The following RTP2 variants were observed in gnomAD, a reference collection of about 807,000 sequenced individuals.
The protein encoded by RTP2 is receptor-transporting protein 2.
A neutral mutation model predicts 17.9 loss-of-function variants in RTP2; 12 were observed. That is an observed-to-expected ratio of 0.67 (90% CI 0.43 to 1.09). The LOEUF is 1.09. Ranked by LOEUF, RTP2 falls within the 50% of genes least tolerant of loss-of-function variation. The pLI is 0.00. For synonymous variants in RTP2, 126 were observed against 117.7 expected, an observed-to-expected ratio of 1.07 and a Z score of -0.46; for missense variants, 327 against 295.7, an observed-to-expected ratio of 1.11 and a Z score of -0.78.
At chr3:187,702,275 T>G in exon 1 of RTP2, 1 of 756,918 alleles carries the variant, frequency 1.3e-6, no homozygotes, top group Non-Finnish European at 2.2e-6. Context: ...CCTCCTCTGT[T>G]ACCCTGGAAC....
chr3:187,711,065 A>G, the RTP2 span, among the ~76,000 whole-genome samples: 1 of 152,068 alleles, frequency 6.6e-6, no homozygotes, highest in African/African-American at 2.4e-5. Flanking sequence ...ATGCATAGCC[A>G]CCCCTTCTGC....
At position 187,699,087 on chromosome 3, in the gene RTP2, A is replaced by C. The variant is rs1192785658; in HGVS notation, c.165-76T>G. The stretch of plus-strand genomic sequence containing the variant: ...TGCCCTGAGAAGCTCTGAGAGGGAA[A>C]AAAAAGCCTGTGTGCCCGTGCTTGG... On this transcript the variant is annotated intron_variant, in intron 1 of 1. Coordinates refer to ENST00000358241, the Ensembl canonical transcript of RTP2. 3.4e-6 allele frequency: 5 copies of C among 1,468,472 alleles called. No homozygotes were observed. The Admixed American group carries it at 7.6e-5, about 22-fold the overall frequency. The allele number at this position is 1,468,472 out of a possible 1,614,324, so 91.0% of individuals were successfully genotyped here.
chr3:187,710,898 A>G, the RTP2 span, among the ~76,000 whole-genome samples: 29,940 of 152,050 alleles, frequency 0.2, 4,276 homozygotes, highest in African/African-American at 0.4. Context: ...CAAACTTGTA[A>G]TAACCCTAGG....
chr3:187,706,546 G>A (rs6780544), upstream of RTP2, among the ~76,000 whole-genome samples: 75,134 of 152,130 alleles, frequency 0.49, 22,328 homozygotes, highest in East Asian at 0.75. Context: ...TGGATATAGA[G>A]TGGGAGCACA....
At chr3:187,714,522 C>T in the RTP2 span, among the ~76,000 whole-genome samples, 3 of 152,244 alleles carry the variant, frequency 2.0e-5, no homozygotes, top group East Asian at 5.8e-4. Context: ...CCATTTATAC[C>T]TTCCTGCTTC....
At chr3:187,707,927 G>A in the RTP2 span, among the ~76,000 whole-genome samples, 17 of 152,104 alleles carry the variant, frequency 1.1e-4, no homozygotes, top group African/African-American at 4.1e-4. Flanking sequence ...GTGTTCTCTA[G>A]GGAGAACACT....
chr3:187,705,959 A>T (rs1330803324), upstream of RTP2, among the ~76,000 whole-genome samples: 1 of 152,236 alleles, frequency 6.6e-6, no homozygotes, highest in Non-Finnish European at 1.5e-5. Context: ...ATAAACAGGC[A>T]GTTAAAAGCC....
upstream of RTP2, among the ~76,000 whole-genome samples, chr3:187,706,437 A>G (rs577718853): frequency 3.9e-5 from 6 of 152,308 alleles, no homozygotes; most frequent in South Asian, 1.2e-3. Context: ...AAGAAAACCC[A>G]CTGACCAGAA....
the RTP2 span, among the ~76,000 whole-genome samples, chr3:187,712,380 A>G: frequency 1.3e-5 from 2 of 152,174 alleles, no homozygotes; most frequent in Admixed American, 6.5e-5. Flanking sequence ...TGTCTAATAA[A>G]TGTTATTTAT....
At chr3:187,706,741 C>T (rs1351259002), upstream of RTP2, among the ~76,000 whole-genome samples, 1 of 152,096 alleles carries the variant, frequency 6.6e-6, no homozygotes, top group African/African-American at 2.4e-5. Context: ...TAGCTGGGAT[C>T]ACAGACGTGC....
At chr3:187,712,162 T>A in the RTP2 span, among the ~76,000 whole-genome samples, 75,556 of 151,998 alleles carry the variant, frequency 0.5, 22,435 homozygotes, top group East Asian at 0.76. Flanking sequence ...TGTAAAACGA[T>A]GTAAGTCTGA....
chr3:187,711,879 T>C, the RTP2 span, among the ~76,000 whole-genome samples: 5,998 of 152,314 alleles, frequency 0.039, 182 homozygotes, highest in Admixed American at 0.12. Flanking sequence ...GTAAATGTTA[T>C]TTAATATTAT....
rs371032985 is a variant in RTP2, at chr3:187,698,806, T to A, written c.370A>T (p.Ser124Cys). 6.2e-6 allele frequency: 10 copies of A among 1,613,518 alleles called. No homozygotes were observed. In the African/African-American group the frequency reaches 1.2e-4, roughly 19 times the overall value. ...TCCTCGTAGCACTGCTCGCGCAGGC[T>A]GGTGATGAGGTTGTCCACCAGGCCC... is the stretch of plus-strand genomic sequence containing the variant. The change falls in exon 2 of 2, where the codon AGC becomes TGC. Residue 124 changes from serine (S) to cysteine (C), a missense_variant. Coordinates refer to ENST00000358241, the Ensembl canonical transcript of RTP2.
the RTP2 span, among the ~76,000 whole-genome samples, chr3:187,710,321 C>T: frequency 6.6e-6 from 1 of 151,346 alleles, no homozygotes; most frequent in African/African-American, 2.4e-5. Context: ...TGAGACTTTT[C>T]AACCTCTGCA....
exon 2 of RTP2, chr3:187,698,611 GGGCCCTCGGCTT>G (rs1342956442): frequency 6.2e-6 from 10 of 1,614,072 alleles, no homozygotes; most frequent in Non-Finnish European, 8.5e-6. Context: ...GATCCCGCCT[GGGCCCTCGGCTT>G]GGAGGCTTCA....
exon 1 of RTP2, chr3:187,702,352 G>A: frequency 3.5e-6 from 2 of 569,360 alleles, no homozygotes; most frequent in Non-Finnish European, 6.4e-6. Context: ...CCCCAAGGGG[G>A]AGTTTCAGGG....
upstream of RTP2, among the ~76,000 whole-genome samples, chr3:187,704,283 T>C (rs530914799): frequency 6.6e-6 from 1 of 152,314 alleles, no homozygotes; most frequent in South Asian, 2.1e-4. Flanking sequence ...CTTTGTAAAA[T>C]ATTTATTATT....
intron 1 of RTP2, 124 bp from the exon 2 acceptor site, chr3:187,699,135 C>CT: frequency 3.4e-6 from 4 of 1,191,978 alleles, no homozygotes; most frequent in Non-Finnish European, 4.6e-6. Flanking sequence ...TGTTTACTGC[C>CT]CTGTGGATTC....
At chr3:187,707,415 A>G (rs997535744), upstream of RTP2, among the ~76,000 whole-genome samples, 2 of 152,252 alleles carry the variant, frequency 1.3e-5, no homozygotes, top group Admixed American at 6.5e-5. Flanking sequence ...AGGCTTCCAC[A>G]GAAGGAGTGG....
Sources: allele counts gnomAD v4.1 joint callset (sites outside exome capture counted in the v4.1 genomes callset), GRCh38; gene constraint gnomAD v4.1.1; transcripts MANE v1.5; gene names NCBI Gene and HGNC (gene_info 2026-07-23, HGNC 2026-07-21).